The following FBXW7 variants were observed in gnomAD, a reference collection of about 807,000 sequenced individuals.
FBXW7 encodes F-box/WD repeat-containing protein 7.
FBXW7 carries 11 observed loss-of-function variants against 86.3 expected under a neutral mutation model. The observed-to-expected ratio is 0.13, with a 90% CI of 0.08 to 0.21. The LOEUF (loss-of-function observed/expected upper bound fraction) is 0.21. Ranked by LOEUF, FBXW7 falls within the 10% of genes least tolerant of loss-of-function variation. FBXW7 has a pLI of 1.00. For synonymous variants in FBXW7, 313 were observed against 297.9 expected (o/e 1.05, Z -0.52); for missense variants, 488 against 847.4 (o/e 0.58, Z 5.27).
intron 5 of FBXW7, 132 bp downstream of exon 5, chr4:152,349,910 G>A (rs1006940842): frequency 1.4e-5 from 6 of 420,624 alleles, no homozygotes; most frequent in Admixed American, 4.4e-5. Flanking sequence ...CTCAATTTCC[G>A]GTAATCTCAA....
intron 4 of FBXW7, among the ~76,000 whole-genome samples, chr4:152,404,670 G>C (rs926231741): frequency 1.3e-5 from 2 of 152,160 alleles, no homozygotes; most frequent in Admixed American, 1.3e-4. Flanking sequence ...CCTAAAGTGG[G>C]ATTTTTAACT....
At chr4:152,521,332 T>C (rs1331611015) in intron 2 of FBXW7, among the ~76,000 whole-genome samples, 3 of 152,050 alleles carry the variant, frequency 2.0e-5, no homozygotes, top group Non-Finnish European at 2.9e-5. Context: ...AAGAGACAAA[T>C]GTTTCCCAGA....
intron 2 of FBXW7, among the ~76,000 whole-genome samples, chr4:152,466,884 G>C (rs1743498119): frequency 6.6e-6 from 1 of 152,210 alleles, no homozygotes; most frequent in African/African-American, 2.4e-5. Flanking sequence ...AGAGCTGGCA[G>C]TGAGCTGAGA....
chr4:152,481,833 T>G (rs1744909411), intron 2 of FBXW7, among the ~76,000 whole-genome samples: 1 of 152,216 alleles, frequency 6.6e-6, no homozygotes, highest in Non-Finnish European at 1.5e-5. Context: ...GAGGTGTTGC[T>G]TCTTATAAAA....
chr4:152,427,913 A>T (rs538229989), intron 2 of FBXW7, among the ~76,000 whole-genome samples: 1 of 152,310 alleles, frequency 6.6e-6, no homozygotes, highest in South Asian at 2.1e-4. Flanking sequence ...AACAGGTCTG[A>T]CCTTTCAGAC....
chr4:152,355,048 T>C (rs1215470071), intron 4 of FBXW7, among the ~76,000 whole-genome samples: 1 of 152,090 alleles, frequency 6.6e-6, no homozygotes, highest in African/African-American at 2.4e-5. Flanking sequence ...GAAGAATCTG[T>C]CAAGCAAAAC....
intron 2 of FBXW7, among the ~76,000 whole-genome samples, chr4:152,518,724 T>C (rs960656467): frequency 1.3e-5 from 2 of 152,224 alleles, no homozygotes; most frequent in Non-Finnish European, 2.9e-5. Context: ...GTATTTTAAA[T>C]GGAACCAAGA....
chr4:152,513,876 T>C (rs547227611), intron 2 of FBXW7, among the ~76,000 whole-genome samples: 1 of 152,230 alleles, frequency 6.6e-6, no homozygotes, highest in Non-Finnish European at 1.5e-5. Context: ...AAGTTCATAA[T>C]CTACATCTAC....
intron 4 of FBXW7, among the ~76,000 whole-genome samples, chr4:152,358,419 ATTCAT>A (rs1732606981): frequency 6.6e-6 from 1 of 152,022 alleles, no homozygotes; most frequent in Admixed American, 6.6e-5. Context: ...TTAATCTTGT[ATTCAT>A]TTCAAGAACT....
chr4:152,486,894 T>A (rs1205840308), intron 2 of FBXW7, among the ~76,000 whole-genome samples: 1 of 152,114 alleles, frequency 6.6e-6, no homozygotes, highest in Admixed American at 6.6e-5. Context: ...ACATGTAATA[T>A]GTTGGTTGTG....
Position 152,328,303 on chromosome 4 carries a change from C to A in FBXW7, c.1323G>T (p.Arg441=). 6.3e-7 allele frequency: 1 copy of A among 1,599,424 alleles called. No homozygotes were observed. Among genetic ancestry groups the A allele is most frequent in the Non-Finnish European group, 8.5e-7 (1 of 1,173,868 alleles). ...DNIIISGSTD[R]TLKVWNAETG... is the part of the protein sequence containing the mutation. The stretch of plus-strand genomic sequence containing the variant: ...TCTCTGCATTCCACACTTTGAGTGT[C>A]CGATCTGTAGATCCACTAATGATGA... Residue 441 remains arginine (R), a synonymous_variant, in exon 11 of 14, where the codon CGG becomes CGT. Coordinates refer to ENST00000281708, the MANE Select transcript of FBXW7 (RefSeq NM_001349798.2).
chr4:152,474,344 T>C (rs138223568), intron 2 of FBXW7, among the ~76,000 whole-genome samples: 197 of 152,328 alleles, frequency 1.3e-3, no homozygotes, highest in African/African-American at 4.4e-3. Flanking sequence ...GTTTAGATAG[T>C]GTTCGTAAAT....
At chr4:152,415,963 C>T (rs1031022083) in intron 2 of FBXW7, among the ~76,000 whole-genome samples, 15 of 152,124 alleles carry the variant, frequency 9.9e-5, no homozygotes, top group Admixed American at 1.3e-4. Flanking sequence ...TTTGTCCTGA[C>T]TTTACTCATT....
chr4:152,508,485 C>A (rs1052519303), intron 2 of FBXW7, among the ~76,000 whole-genome samples: 1 of 151,760 alleles, frequency 6.6e-6, no homozygotes, highest in Non-Finnish European at 1.5e-5. Flanking sequence ...TCCAGGAGTT[C>A]GAGACTAGCC....
chr4:152,516,193 G>C (rs1356336377), intron 2 of FBXW7, among the ~76,000 whole-genome samples: 1 of 152,222 alleles, frequency 6.6e-6, no homozygotes, highest in Non-Finnish European at 1.5e-5. Context: ...TGCTAAATTT[G>C]TGTTAATTTG....
chr4:152,421,324 T>C (rs1738920114), intron 2 of FBXW7, among the ~76,000 whole-genome samples: 2 of 152,216 alleles, frequency 1.3e-5, no homozygotes, highest in South Asian at 4.1e-4. Context: ...ATCCAGACAC[T>C]AAAACTTTCT....
At chr4:152,350,743 G>T (rs1311600826) in intron 4 of FBXW7, among the ~76,000 whole-genome samples, 1 of 151,800 alleles carries the variant, frequency 6.6e-6, no homozygotes, top group Non-Finnish European at 1.5e-5. Context: ...TAACGCTGAG[G>T]GGAAAGTTGT....
In FBXW7 at chr4:152,376,743, G is replaced by A. The variant is rs1461265627; in HGVS notation, c.502-26619C>T. Among the ~76,000 whole-genome samples the A allele has an allele frequency of 4.6e-5, 7 of 152,088 alleles. No individual in the cohort carries two copies. The South Asian group carries it at 6.2e-4, about 14-fold the overall frequency. ...AAAGTACTAATTGATTAACTGATGA[G>A]AATGGTACTGCATTGTCTTTTGAGG... On this transcript the variant is annotated intron_variant, in intron 4 of 13. Coordinates refer to ENST00000281708, the MANE Select transcript of FBXW7 (RefSeq NM_001349798.2).
chr4:152,477,882 T>C (rs1304833263), intron 2 of FBXW7, among the ~76,000 whole-genome samples: 2 of 152,178 alleles, frequency 1.3e-5, no homozygotes, highest in East Asian at 1.9e-4. Context: ...TAACATGATA[T>C]GAGAGTATTG....
Sources: gnomAD v4.1 joint callset for allele counts (sites outside exome capture counted in the v4.1 genomes callset) on GRCh38, gnomAD v4.1.1 for gene constraint, MANE v1.5 for transcripts, NCBI Gene and HGNC (gene_info 2026-07-23, HGNC 2026-07-21) for gene names.